The following STK32B variants were observed in gnomAD, a reference collection of about 807,000 sequenced individuals.
STK32B encodes the protein serine/threonine-protein kinase 32B.
STK32B carries 43 observed loss-of-function variants against 52.6 expected under a neutral mutation model. The observed-to-expected ratio is 0.82, with a 90% CI of 0.64 to 1.05. The LOEUF (loss-of-function observed/expected upper bound fraction) is 1.05. Ranked by LOEUF, STK32B falls within the 50% of genes least tolerant of loss-of-function variation. The probability of loss-of-function intolerance (pLI) is 0.00; values close to 1 mark genes in which losing one functional copy is unlikely to be tolerated. For missense variants in STK32B, 621 were observed against 534.6 expected (o/e 1.16, Z -1.59); for synonymous variants, 238 against 204.3 (o/e 1.17, Z -1.41).
chr4:5,439,206 T>C (rs947308955), intron 6 of STK32B, among the ~76,000 whole-genome samples: 2 of 150,016 alleles, frequency 1.3e-5, no homozygotes, highest in African/African-American at 4.9e-5. Context: ...TGAACTAGTT[T>C]ACAGTCCCAC....
At chr4:5,163,902 C>G (rs1314626571) in intron 2 of STK32B, among the ~76,000 whole-genome samples, 1 of 152,158 alleles carries the variant, frequency 6.6e-6, no homozygotes, top group Admixed American at 6.5e-5. Flanking sequence ...ATCAGTCTAC[C>G]CCTCACTCCA....
At chr4:5,312,508 A>G (rs28692667) in intron 3 of STK32B, among the ~76,000 whole-genome samples, 17,938 of 150,610 alleles carry the variant, frequency 0.12, 1,184 homozygotes, top group African/African-American at 0.19. Flanking sequence ...TCATTGTTCA[A>G]TTCCCACCTG....
intron 3 of STK32B, among the ~76,000 whole-genome samples, chr4:5,235,973 G>T (rs75802784): frequency 0.04 from 6,128 of 152,216 alleles, 202 homozygotes; most frequent in African/African-American, 0.092. Flanking sequence ...CCAGCAGGAG[G>T]GGATGGGAGG....
At chr4:5,338,998 G>A (rs2108966635) in intron 4 of STK32B, among the ~76,000 whole-genome samples, 1 of 152,166 alleles carries the variant, frequency 6.6e-6, no homozygotes, top group South Asian at 2.1e-4. Flanking sequence ...CAATGTCGTG[G>A]GCATCAACGA....
At chr4:5,316,773 ATT>A (rs1730862402) in intron 3 of STK32B, among the ~76,000 whole-genome samples, 1 of 8,584 alleles carries the variant, frequency 1.2e-4, no homozygotes, top group Non-Finnish European at 1.7e-4. Flanking sequence ...TATTATATAT[ATT>A]ATATATTATA....
In STK32B at chr4:5,437,882, T is replaced by C. The variant is rs75422444; in HGVS notation, c.563-8791T>C. ...TTCTGAACAGCCAATGACATCATTT[T>C]GGTGGCATAGGGATTATGATATCAA... On this transcript the variant is annotated intron_variant, in intron 6 of 11. Transcript: ENST00000282908. 2,435 of 982,286 alleles carry C rather than the reference T, an allele frequency of 2.5e-3. 46 individuals carry two copies. In the African/African-American group the frequency reaches 0.04, roughly 16 times the overall value. The allele number at this position is 982,286 out of a possible 1,614,324, so 60.8% of individuals were successfully genotyped here.
At chr4:5,436,264 C>G (rs192421534) in intron 6 of STK32B, among the ~76,000 whole-genome samples, 112 of 152,332 alleles carry the variant, frequency 7.4e-4, no homozygotes, top group African/African-American at 2.5e-3. Flanking sequence ...CAAAGCACAT[C>G]AGCACACGAA....
chr4:5,031,774 A>G, the STK32B span, among the ~76,000 whole-genome samples: 2 of 152,136 alleles, frequency 1.3e-5, no homozygotes, highest in Non-Finnish European at 2.9e-5. Context: ...CAGGCCTGTG[A>G]TATCAAGAAG....
At chr4:5,202,365 C>G (rs1252598092) in intron 3 of STK32B, among the ~76,000 whole-genome samples, 1 of 152,232 alleles carries the variant, frequency 6.6e-6, no homozygotes, top group African/African-American at 2.4e-5. Context: ...CCATGTGACC[C>G]CACCCAAATA....
At chr4:5,205,810 T>C (rs946760812) in intron 3 of STK32B, among the ~76,000 whole-genome samples, 8 of 152,010 alleles carry the variant, frequency 5.3e-5, no homozygotes, top group African/African-American at 1.2e-4. Context: ...TGGGGAGATA[T>C]CTGTTCTTGC....
At chr4:5,328,847 C>A (rs573244956) in intron 3 of STK32B, among the ~76,000 whole-genome samples, 1 of 152,264 alleles carries the variant, frequency 6.6e-6, no homozygotes, top group Admixed American at 6.5e-5. Context: ...GTATTACTTA[C>A]ATGCTCCTCT....
intron 1 of STK32B, among the ~76,000 whole-genome samples, chr4:5,098,423 T>C (rs1342035228): frequency 6.6e-6 from 1 of 152,230 alleles, no homozygotes; most frequent in Non-Finnish European, 1.5e-5. Flanking sequence ...CAAAACCCAC[T>C]ATCAGCAGCA....
chr4:5,276,252 G>A (rs1727815082), intron 3 of STK32B, among the ~76,000 whole-genome samples: 2 of 151,970 alleles, frequency 1.3e-5, no homozygotes, highest in African/African-American at 4.8e-5. Context: ...TTGCACCACT[G>A]CACTCCAGCC....
chr4:5,191,220 G>T (rs1721176210), intron 3 of STK32B, among the ~76,000 whole-genome samples: 2 of 151,862 alleles, frequency 1.3e-5, no homozygotes, highest in Admixed American at 1.3e-4. Flanking sequence ...GGTTGAGTTT[G>T]TGGACCAGGC....
At chr4:5,315,260 G>C (rs1307874733) in intron 3 of STK32B, among the ~76,000 whole-genome samples, 2 of 126,496 alleles carry the variant, frequency 1.6e-5, no homozygotes, top group Non-Finnish European at 3.2e-5. Context: ...TTAGCCATTA[G>C]GGAAATGCAA....
At position 5,170,211 on chromosome 4, in the gene STK32B, TAAG is replaced by T. The variant is rs562556010; in HGVS notation, c.260+1766_260+1768del. Among the ~76,000 whole-genome samples the T allele has an allele frequency of 2.8e-4, 42 of 152,354 alleles. 1 individual carries two copies. The East Asian group carries it at 7.5e-3, about 27-fold the overall frequency. Reference sequence around the variant, plus strand: ...TCAGGTGGGACTCCTTAAGGTGGACTAAGAAGATCAGATGCCTAGTGGAGCTTG... The same window carrying T: ...TCAGGTGGGACTCCTTAAGGTGGACTAAGATCAGATGCCTAGTGGAGCTTG... On this transcript the variant is annotated intron_variant, in intron 3 of 11. Transcript: ENST00000282908.
intron 3 of STK32B, among the ~76,000 whole-genome samples, chr4:5,192,829 C>T (rs184312915): frequency 4.5e-4 from 68 of 152,350 alleles, no homozygotes; most frequent in African/African-American, 1.4e-3. Flanking sequence ...GGGCCGCCGC[C>T]TCCTGTAACT....
the STK32B span, among the ~76,000 whole-genome samples, chr4:5,023,644 A>G: frequency 6.6e-6 from 1 of 152,178 alleles, no homozygotes; most frequent in Non-Finnish European, 1.5e-5. Flanking sequence ...AAACAGAGTC[A>G]ACTCTCTTTT....
At chr4:5,335,119 T>G (rs375746445) in intron 4 of STK32B, among the ~76,000 whole-genome samples, 24 of 152,236 alleles carry the variant, frequency 1.6e-4, no homozygotes, top group South Asian at 1.2e-3. Context: ...GACTCTTTTT[T>G]GTTGGTAAGC....
Sources: gnomAD v4.1 joint callset for allele counts (sites outside exome capture counted in the v4.1 genomes callset) on GRCh38, gnomAD v4.1.1 for gene constraint, MANE v1.5 for transcripts, NCBI Gene and HGNC (gene_info 2026-07-23, HGNC 2026-07-21) for gene names.